Variants in HMGXB4 observed in about 807,000 individuals in gnomAD.
The protein encoded by HMGXB4 is HMG domain-containing protein 4.
HMGXB4 carries 27 observed loss-of-function variants against 63.9 expected under a neutral mutation model. The observed-to-expected ratio is 0.42, with a 90% CI of 0.31 to 0.58. The LOEUF (loss-of-function observed/expected upper bound fraction) is 0.58. Ranked by LOEUF, HMGXB4 falls within the 20% of genes least tolerant of loss-of-function variation. HMGXB4 has a pLI of 0.13. For synonymous variants in HMGXB4, 264 were observed against 265.3 expected (o/e 0.99, Z 0.05); for missense variants, 624 against 700.7 (o/e 0.89, Z 1.24).
At chr22:35,293,393 A>T (rs1164220172) in intron 10 of HMGXB4, among the ~76,000 whole-genome samples, 6 of 152,250 alleles carry the variant, frequency 3.9e-5, no homozygotes, top group Non-Finnish European at 5.9e-5. Flanking sequence ...ACCCAAAGAC[A>T]GTACAGGAAT....
At chr22:35,263,023 T>G in intron 2 of HMGXB4, 55 bp from the exon 3 acceptor site, 1 of 1,533,024 alleles carries the variant, frequency 6.5e-7, no homozygotes, top group Non-Finnish European at 9.0e-7. Context: ...GACGATTTGG[T>G]CATTACTTAC....
intron 1 of HMGXB4, among the ~76,000 whole-genome samples, chr22:35,259,567 C>T (rs535549364): frequency 9.1e-4 from 138 of 152,226 alleles, no homozygotes; most frequent in Non-Finnish European, 1.6e-3. Context: ...TAAATGTTGC[C>T]TGAACTCTGC....
rs939264682 is a variant in HMGXB4, at chr22:35,292,981, C to T, written c.1639-11C>T. 1 of 1,614,136 alleles carries T rather than the reference C, an allele frequency of 6.2e-7. No homozygotes were observed. Among genetic ancestry groups the T allele is most frequent in the African/African-American group, 1.3e-5 (1 of 74,950 alleles). On this transcript the variant is annotated splice_polypyrimidine_tract_variant and intron_variant, in intron 9 of 10. Transcript: ENST00000216106. ...AGTGTGACTCAAGCAACAACCTCCTCTCCTTTTCAGGGTATGGTGGCTGTG... is the reference window on the plus strand; with the variant it reads ...AGTGTGACTCAAGCAACAACCTCCTTTCCTTTTCAGGGTATGGTGGCTGTG...
chr22:35,279,592 A>G (rs951788462), intron 5 of HMGXB4, among the ~76,000 whole-genome samples: 2 of 145,350 alleles, frequency 1.4e-5, no homozygotes, highest in East Asian at 4.4e-4. Flanking sequence ...ACTGTCTGGG[A>G]GTTTTATAGT....
At chr22:35,292,933 G>A (rs1884840757) in intron 9 of HMGXB4, 59 bp from the exon 10 acceptor site, 1 of 1,609,654 alleles carries the variant, frequency 6.2e-7, no homozygotes, top group African/African-American at 1.3e-5. Flanking sequence ...GTGTGAGGAA[G>A]TCAGCCGGAA....
the HMGXB4 span, among the ~76,000 whole-genome samples, chr22:35,241,698 C>T: frequency 6.6e-6 from 1 of 152,234 alleles, no homozygotes; most frequent in East Asian, 1.9e-4. Context: ...CCTTCAGCTT[C>T]TCCACTGGGG....
chr22:35,294,782 C>T lies in HMGXB4; in HGVS notation c.*1131C>T, dbSNP rs1286444168. The T allele has an allele frequency of 6.6e-6, 1 of 152,116 alleles. No individual in the cohort carries two copies. Among genetic ancestry groups the T allele is most frequent in the African/African-American group, 2.4e-5 (1 of 41,426 alleles). 9.4% of individuals were successfully genotyped at this position (152,116 alleles called of 1,614,324 possible). A position where few individuals can be genotyped will look rare whatever the true frequency, so the allele number is the denominator to read the frequency against. ...TGTGGAAGATACAGATTTGTCATTT[C>T]TCCCTTCCGCCCTCCCTTCTTTCCT... On this transcript the variant is annotated 3_prime_UTR_variant, in exon 11 of 11. Transcript: ENST00000216106.
intron 6 of HMGXB4, among the ~76,000 whole-genome samples, chr22:35,284,303 A>G (rs1924438604): frequency 6.6e-6 from 1 of 152,244 alleles, no homozygotes; most frequent in South Asian, 2.1e-4. Context: ...AAAATATACA[A>G]TTGTTTATTT....
At chr22:35,287,876 A>T (rs1924688689) in intron 8 of HMGXB4, among the ~76,000 whole-genome samples, 1 of 151,312 alleles carries the variant, frequency 6.6e-6, no homozygotes, top group Non-Finnish European at 1.5e-5. Flanking sequence ...TGAACCCGGG[A>T]GGTGGAGGTT....
At chr22:35,276,703 A>G (rs1332506054) in intron 5 of HMGXB4, among the ~76,000 whole-genome samples, 1 of 152,314 alleles carries the variant, frequency 6.6e-6, no homozygotes, top group South Asian at 2.1e-4. Flanking sequence ...TAGGAGATAA[A>G]AAGCTGATAC....
intron 5 of HMGXB4, among the ~76,000 whole-genome samples, chr22:35,275,481 C>T (rs757661843): frequency 3.9e-5 from 6 of 152,122 alleles, no homozygotes; most frequent in Non-Finnish European, 7.4e-5. Flanking sequence ...ATATTGTATT[C>T]TTTAAAACAG....
intron 1 of HMGXB4, among the ~76,000 whole-genome samples, chr22:35,259,845 G>A (rs1420655563): frequency 2.0e-5 from 3 of 152,160 alleles, no homozygotes; most frequent in Admixed American, 2.0e-4. Flanking sequence ...ATGCTCTTCA[G>A]TGTTTTTAAG....
intron 5 of HMGXB4, among the ~76,000 whole-genome samples, chr22:35,278,584 T>C (rs1281865571): frequency 6.6e-6 from 1 of 152,044 alleles, no homozygotes; most frequent in African/African-American, 2.4e-5. Flanking sequence ...ACCCAAGAAA[T>C]GTCATTAAAC....
upstream of HMGXB4, among the ~76,000 whole-genome samples, chr22:35,253,088 T>G (rs1012626291): frequency 7.2e-6 from 1 of 138,606 alleles, no homozygotes; most frequent in Non-Finnish European, 1.5e-5. Context: ...GCCGAGGTCA[T>G]GCCACTGCAC....
intron 5 of HMGXB4, among the ~76,000 whole-genome samples, chr22:35,275,660 C>T (rs947493971): frequency 6.6e-6 from 1 of 152,094 alleles, no homozygotes; most frequent in Non-Finnish European, 1.5e-5. Context: ...AGGAGGATCA[C>T]TTAAACCTGT....
chr22:35,287,448 C>A lies in HMGXB4; in HGVS notation c.1464C>A (p.Val488=). The part of the protein sequence containing the change: ...KASSSEGSMK[V]KASSVGVLSP... The stretch of plus-strand genomic sequence containing the variant: ...CCAGCTCAGAAGGTTCCATGAAAGT[C>A]AAAGGTAGTGACCACATCCCGCCCC... Residue 488 remains valine (V), a synonymous_variant, in exon 8 of 11, where the codon GTC becomes GTA. Transcript: ENST00000216106. 2.5e-6 allele frequency: 4 copies of A among 1,608,294 alleles called. No homozygotes were observed. The South Asian group carries it at 4.4e-5, about 18-fold the overall frequency.
upstream of HMGXB4, among the ~76,000 whole-genome samples, chr22:35,252,989 G>A (rs1343130815): frequency 8.5e-5 from 13 of 152,070 alleles, no homozygotes; most frequent in Non-Finnish European, 1.6e-4. Context: ...AAAATTAGCT[G>A]GGTGTGGTGG....
At chr22:35,283,667 G>GT (rs1290035717) in intron 5 of HMGXB4, among the ~76,000 whole-genome samples, 1 of 152,150 alleles carries the variant, frequency 6.6e-6, no homozygotes, top group Non-Finnish European at 1.5e-5. Flanking sequence ...GCAGGCACCT[G>GT]TAATCTCAGC....
chr22:35,246,348 C>T, the HMGXB4 span, among the ~76,000 whole-genome samples: 2 of 152,114 alleles, frequency 1.3e-5, no homozygotes, highest in East Asian at 3.9e-4. Flanking sequence ...GATCTCGGCT[C>T]ACTGCAAGCT....
Sources: allele counts gnomAD v4.1 joint callset (sites outside exome capture counted in the v4.1 genomes callset), GRCh38; gene constraint gnomAD v4.1.1; transcripts MANE v1.5; gene names NCBI Gene and HGNC (gene_info 2026-07-23, HGNC 2026-07-21).